Variants in GLIS3 observed in about 807,000 individuals in gnomAD.
GLIS3 encodes zinc finger protein GLIS3.
Under a neutral mutation model 78.6 loss-of-function variants are expected in GLIS3, and 53 were observed. The ratio of observed to expected loss-of-function variants is 0.67; its 90% CI spans 0.54 to 0.85. The LOEUF is 0.85. Among genes scored for constraint, GLIS3 ranks in the 40% least tolerant of loss-of-function variants. The pLI, the probability that GLIS3 is intolerant of heterozygous loss-of-function variation, is 0.00. For synonymous variants in GLIS3, 684 were observed against 509.9 expected (o/e 1.34, Z -4.60); for missense variants, 1,703 against 1,231.1 (o/e 1.38, Z -5.74).
intron 4 of GLIS3, among the ~76,000 whole-genome samples, chr9:4,005,293 C>A (rs1298089779): frequency 1.3e-5 from 2 of 152,198 alleles, no homozygotes; most frequent in African/African-American, 4.8e-5. Context: ...ATAAACTTAA[C>A]CTGTTGTTAG....
chr9:4,416,608 T>C, the GLIS3 span, among the ~76,000 whole-genome samples: 22 of 152,250 alleles, frequency 1.4e-4, no homozygotes, highest in Admixed American at 5.2e-4. Context: ...TCTTTGTACT[T>C]TCAGTGTTAC....
the GLIS3 span, among the ~76,000 whole-genome samples, chr9:4,443,843 G>A: frequency 6.6e-6 from 1 of 152,146 alleles, no homozygotes; most frequent in African/African-American, 2.4e-5. Flanking sequence ...AACTTAGCGG[G>A]CCTGGTGTCA....
intron 4 of GLIS3, among the ~76,000 whole-genome samples, chr9:4,037,548 AC>A: frequency 1.1e-3 from 1 of 924 alleles, no homozygotes; most frequent in Non-Finnish European, 5.7e-3. Context: ...TGTGCACACA[AC>A]ACACACACAC....
intron 4 of GLIS3, among the ~76,000 whole-genome samples, chr9:3,957,065 C>T (rs1817168072): frequency 6.6e-6 from 1 of 152,188 alleles, no homozygotes; most frequent in African/African-American, 2.4e-5. Context: ...GCCTCTAAGC[C>T]ACCTGCCTCC....
At chr9:4,022,364 A>T (rs59974820) in intron 4 of GLIS3, among the ~76,000 whole-genome samples, 8,485 of 152,274 alleles carry the variant, frequency 0.056, 343 homozygotes, top group African/African-American at 0.12. Context: ...CATATTTTAT[A>T]AAAGCACATT....
At chr9:4,485,604 C>A in the GLIS3 span, among the ~76,000 whole-genome samples, 1 of 152,206 alleles carries the variant, frequency 6.6e-6, no homozygotes, top group Non-Finnish European at 1.5e-5. Flanking sequence ...ATTAATTAAG[C>A]TCCATCTTTA....
chr9:4,474,020 C>T, the GLIS3 span, among the ~76,000 whole-genome samples: 1 of 131,582 alleles, frequency 7.6e-6, no homozygotes, highest in Non-Finnish European at 1.8e-5. Context: ...GTCAGTTCCC[C>T]CCTAAAGCTA....
At chr9:4,185,781 G>A (rs865830639) in intron 2 of GLIS3, among the ~76,000 whole-genome samples, 6 of 152,058 alleles carry the variant, frequency 3.9e-5, no homozygotes, top group East Asian at 1.9e-4. Context: ...GGAATGAATC[G>A]CCCTCCCTCA....
chr9:4,105,926 G>A (rs1830716394), intron 4 of GLIS3, among the ~76,000 whole-genome samples: 1 of 152,136 alleles, frequency 6.6e-6, no homozygotes, highest in Admixed American at 6.5e-5. Context: ...CAATTCACTA[G>A]GCTGCTGGGG....
At chr9:3,925,001 T>C (rs1279516128) in intron 6 of GLIS3, among the ~76,000 whole-genome samples, 3 of 152,164 alleles carry the variant, frequency 2.0e-5, no homozygotes, top group African/African-American at 7.2e-5. Flanking sequence ...TTAAAACACC[T>C]GTCAGAGGGT....
chr9:4,237,418 T>A (rs1220908680), intron 2 of GLIS3, among the ~76,000 whole-genome samples: 2 of 152,186 alleles, frequency 1.3e-5, no homozygotes, highest in Admixed American at 6.5e-5. Context: ...ACTACAGGTA[T>A]TTTAACATAA....
chr9:4,066,667 T>C (rs1588587317), intron 4 of GLIS3, among the ~76,000 whole-genome samples: 1 of 152,262 alleles, frequency 6.6e-6, no homozygotes, highest in East Asian at 1.9e-4. Context: ...TGCTCTGCCG[T>C]ACTACAGCTG....
intron 2 of GLIS3, among the ~76,000 whole-genome samples, chr9:4,175,311 AAAG>A (rs538418517): frequency 3.3e-5 from 5 of 152,230 alleles, no homozygotes; most frequent in African/African-American, 1.2e-4. Context: ...CTGAAAGGAC[AAAG>A]AAGGGAGACT....
At chr9:3,983,995 G>T (rs1384234381) in intron 4 of GLIS3, among the ~76,000 whole-genome samples, 1 of 152,228 alleles carries the variant, frequency 6.6e-6, no homozygotes, top group African/African-American at 2.4e-5. Context: ...CATGTCAGAG[G>T]TCTTCATGGC....
chr9:3,856,775 G>A (rs928662566), intron 8 of GLIS3, among the ~76,000 whole-genome samples: 12 of 152,264 alleles, frequency 7.9e-5, no homozygotes, highest in Non-Finnish European at 1.2e-4. Flanking sequence ...CGAAATCTGC[G>A]TGGGCTCCGT....
the GLIS3 span, among the ~76,000 whole-genome samples, chr9:4,452,396 G>T: frequency 1.3e-5 from 2 of 152,298 alleles, no homozygotes; most frequent in African/African-American, 4.8e-5. Flanking sequence ...TCTGTTTGCA[G>T]ATGACATGAT....
At position 4,286,262 on chromosome 9, in the gene GLIS3, G is replaced by T. The variant is rs774829402; in HGVS notation, c.164C>A (p.Ala55Asp). The T allele has an allele frequency of 1.2e-6, 2 of 1,614,102 alleles. No individual in the cohort carries two copies. Among genetic ancestry groups the T allele is most frequent in the Non-Finnish European group, 1.7e-6 (2 of 1,180,048 alleles). The change falls in exon 2 of 11, where the codon GCT (alanine) becomes GAT (aspartate). Residue 55 changes from alanine to aspartate, a missense_variant. Physicochemically the swap from Ala to Asp is moderately radical, Grantham distance 126. Coordinates refer to ENST00000381971, the MANE Select transcript of GLIS3 (RefSeq NM_001042413.2). ...STSSPTMASL[A>D]NNLHLKMPSG... ...GGGCATCTTGAGATGGAGGTTGTTAGCAAGGCTTGCCATAGTGGGACTCGA... is the reference window on the plus strand; with the variant it reads ...GGGCATCTTGAGATGGAGGTTGTTATCAAGGCTTGCCATAGTGGGACTCGA...
intron 4 of GLIS3, among the ~76,000 whole-genome samples, chr9:4,051,186 C>T (rs1487297623): frequency 6.6e-6 from 1 of 152,210 alleles, no homozygotes; most frequent in African/African-American, 2.4e-5. Flanking sequence ...GACTAAGCCT[C>T]TCTTCTCTCA....
At chr9:3,919,185 A>T (rs968113101) in intron 6 of GLIS3, among the ~76,000 whole-genome samples, 15 of 152,342 alleles carry the variant, frequency 9.8e-5, no homozygotes, top group African/African-American at 3.6e-4. Flanking sequence ...AGAGGCCACT[A>T]TAGAATTCAT....
Sources: allele counts gnomAD v4.1 joint callset (sites outside exome capture counted in the v4.1 genomes callset), GRCh38; gene constraint gnomAD v4.1.1; transcripts MANE v1.5; gene names NCBI Gene and HGNC (gene_info 2026-07-23, HGNC 2026-07-21).